Variants in PRDM7 observed in about 807,000 individuals in gnomAD.
The protein encoded by PRDM7 is PR/SET domain 7.
In PRDM7, 52 loss-of-function variants were observed where a neutral mutation model predicts 64.3. The observed-to-expected ratio is 0.81, with a 90% CI of 0.65 to 1.02. The LOEUF (loss-of-function observed/expected upper bound fraction) is 1.02, where lower values mean the gene tolerates loss of function less well. Ranked by LOEUF, PRDM7 falls within the 50% of genes least tolerant of loss-of-function variation. The pLI, the probability that PRDM7 is intolerant of heterozygous loss-of-function variation, is 0.00. For missense variants in PRDM7, 574 were observed against 597.1 expected (o/e 0.96, Z 0.40); for synonymous variants, 192 against 210.1 (o/e 0.91, Z 0.74).
At position 90,061,647 on chromosome 16, in the gene PRDM7, C is replaced by T. The variant is rs531402571; in HGVS notation, c.883-128G>A. 5.8e-6 allele frequency: 7 copies of T among 1,198,866 alleles called. No homozygotes were observed. In the Admixed American group the frequency reaches 1.2e-4, roughly 20 times the overall value. The allele number at this position is 1,198,866 out of a possible 1,614,324, so 74.3% of individuals were successfully genotyped here. Reference sequence around the variant, plus strand: ...CTGCCAACTGAGACCACATGGCATGCACCTTAGTCATCATCTACACATCTG... The same window carrying T: ...CTGCCAACTGAGACCACATGGCATGTACCTTAGTCATCATCTACACATCTG... On this transcript the variant is annotated intron_variant, in intron 8 of 10. Coordinates refer to ENST00000449207, the MANE Select transcript of PRDM7 (RefSeq NM_001098173.2).
chr16:90,072,096 T>C (rs2037967035), intron 4 of PRDM7, among the ~76,000 whole-genome samples: 1 of 152,016 alleles, frequency 6.6e-6, no homozygotes, highest in Non-Finnish European at 1.5e-5. Context: ...CCTGGCGTGG[T>C]GGCAGGCGCT....
In PRDM7 at chr16:90,075,667, C is replaced by CAAAGAGCAA. The variant is rs2038026544; in HGVS notation, c.69+174_69+175insTTGCTCTTT. Among the ~76,000 whole-genome samples, 1 of 152,214 alleles carries CAAAGAGCAA rather than the reference C, an allele frequency of 6.6e-6. No individual in the cohort carries two copies. The highest frequency in any genetic ancestry group is 6.5e-5 in the Admixed American group (1 of 15,284). The stretch of plus-strand genomic sequence containing the variant: ...GAGCATTTTCCTAGCTCTCTGCTGA[C>CAAAGAGCAA]ACAGAGCAGTCGCTGATGCTAGTGT... On this transcript the variant is annotated intron_variant, in intron 2 of 10. Coordinates refer to ENST00000449207, the MANE Select transcript of PRDM7 (RefSeq NM_001098173.2). This position sits in a 1 kb window ranked among gnomAD's most constrained non-coding sequence, Gnocchi z 4.3.
intron 9 of PRDM7, 104 bp from the exon 10 acceptor site, chr16:90,060,727 A>C: frequency 6.5e-7 from 1 of 1,529,014 alleles, no homozygotes; most frequent in Non-Finnish European, 9.0e-7. Context: ...GCTGTGCCTA[A>C]TCAGCCATTT....
At position 90,058,359 on chromosome 16, in the gene PRDM7, T is replaced by C; in HGVS notation, c.1409A>G (p.Asn470Ser). The change falls in exon 11 of 11, where the codon AAT becomes AGT. Residue 470 changes from asparagine (N) to serine (S), a missense_variant. By Grantham distance (46) the Asn-to-Ser change is conservative (BLOSUM62 1). Coordinates refer to ENST00000449207, the MANE Select transcript of PRDM7 (RefSeq NM_001098173.2). ...PAQGIRIRSGNILIHAAVMTK... is the reference protein window; with the variant it reads ...PAQGIRIRSGSILIHAAVMTK... The stretch of plus-strand genomic sequence containing the variant: ...CATTACAGCAGCGTGGATCAGAATA[T>C]TGCCGCTCCTGATTCTGATCCCCTG... 1 of 1,614,200 alleles carries C rather than the reference T, an allele frequency of 6.2e-7. No homozygotes were observed.
intron 4 of PRDM7, among the ~76,000 whole-genome samples, chr16:90,072,416 T>G (rs1037068107): frequency 3.3e-5 from 5 of 152,188 alleles, no homozygotes; most frequent in African/African-American, 1.2e-4. Flanking sequence ...GAAGAAAATC[T>G]TGTCACATGC....
chr16:90,068,699 TTG>T (rs1312603312), intron 4 of PRDM7, among the ~76,000 whole-genome samples: 1 of 148,936 alleles, frequency 6.7e-6, no homozygotes, highest in Non-Finnish European at 1.5e-5. Context: ...CCCAAATCAG[TTG>T]TGTTTCTATT....
At position 90,057,806 on chromosome 16, in the gene PRDM7, G is replaced by A; in HGVS notation, c.*483C>T. The A allele has an allele frequency of 1.4e-6, 2 of 1,398,244 alleles. No homozygotes were observed. The highest frequency in any genetic ancestry group is 1.2e-5 in the South Asian group (1 of 85,796). The allele number at this position is 1,398,244 out of a possible 1,614,324, so 86.6% of individuals were successfully genotyped here. A position where few individuals can be genotyped will look rare whatever the true frequency, so the allele number is the denominator to read the frequency against. ...GTGGTGATCACGTTTGTCTTCTTGTGGCTATTGAGATAAGGTTTTATTACT... is the reference window on the plus strand; with the variant it reads ...GTGGTGATCACGTTTGTCTTCTTGTAGCTATTGAGATAAGGTTTTATTACT... On this transcript the variant is annotated 3_prime_UTR_variant, in exon 11 of 11. Transcript: ENST00000449207.
intron 4 of PRDM7, among the ~76,000 whole-genome samples, chr16:90,068,634 CAA>C (rs778285091): frequency 2.2e-4 from 21 of 93,346 alleles, no homozygotes; most frequent in African/African-American, 5.7e-4. Flanking sequence ...GACTCCGTCT[CAA>C]AAAAAAAAAA....
intron 1 of PRDM7, among the ~76,000 whole-genome samples, chr16:90,076,373 AG>A (rs773152374): frequency 1.3e-5 from 2 of 152,140 alleles, no homozygotes; most frequent in African/African-American, 2.4e-5. Flanking sequence ...ACTGAGGAGC[AG>A]GGTTCTGTTT....
chr16:90,061,644 A>T, intron 8 of PRDM7, 125 bp from the exon 9 acceptor site: 2 of 1,235,570 alleles, frequency 1.6e-6, no homozygotes, highest in Non-Finnish European at 2.3e-6. Context: ...ACCACATGGC[A>T]TGCACCTTAG....
At position 90,075,005 on chromosome 16, in the gene PRDM7, G is replaced by C. The variant is rs1417293512; in HGVS notation, c.212C>G (p.Pro71Arg). 1.2e-6 allele frequency: 2 copies of C among 1,614,184 alleles called. No homozygotes were observed. The highest frequency in any genetic ancestry group is 1.7e-6 in the Non-Finnish European group (2 of 1,180,038). ...CTGCCTTCGGTGACACATGAAAGCT[G>C]GTCGAGTGGCTCTGAGACCTGAAAA... The part of the protein sequence containing the change: ...LITVGLRATR[P>R]AFMCHRRQAI... The change falls in exon 4 of 11, where the codon CCA becomes CGA. Residue 71 changes from proline to arginine, a missense_variant. By Grantham distance (103) the Pro-to-Arg change is moderately radical. Transcript: ENST00000449207. The surrounding 1 kb of genome is among the most constrained non-coding windows in gnomAD (Gnocchi z 4.3).
In PRDM7 at chr16:90,058,226, C is replaced by T; in HGVS notation, c.*63G>A. On this transcript the variant is annotated 3_prime_UTR_variant, in exon 11 of 11. Transcript: ENST00000449207. The stretch of plus-strand genomic sequence containing the variant: ...ATTCTTTCTCCCACTCTAGAGCTCC[C>T]CATTTGTCCTTTGGGTGGGCTAGAA... 6.2e-7 allele frequency: 1 copy of T among 1,614,192 alleles called. No individual in the cohort carries two copies. The highest frequency in any genetic ancestry group is 1.1e-5 in the South Asian group (1 of 91,072).
chr16:90,061,422 C>T lies in PRDM7; in HGVS notation c.950+30G>A, dbSNP rs781248366. 69 of 1,551,522 alleles carry T rather than the reference C, an allele frequency of 4.4e-5. 1 individual carries two copies. In the East Asian group the frequency reaches 1.5e-3, roughly 34 times the overall value. On this transcript the variant is annotated intron_variant, in intron 9 of 10. Transcript: ENST00000449207. ...CGGGTTTGTGAGAGATGGAGGTTCT[C>T]TCTGAAACTAAGAGACCTAGTGGCC... is the stretch of plus-strand genomic sequence containing the variant.
Position 90,058,059 on chromosome 16 carries a change from A to G in PRDM7, c.*230T>C, listed in dbSNP as rs185718159. ...CCCCTGTGTGTGTCCTTTGGTGTGT[A>G]ATAACATCTGACTTATCACTGAAAC... On this transcript the variant is annotated 3_prime_UTR_variant, in exon 11 of 11. Transcript: ENST00000449207. 3.6e-3 allele frequency: 5,807 copies of G among 1,612,816 alleles called. 14 individuals carry two copies. Among genetic ancestry groups the G allele is most frequent in the Non-Finnish European group, 4.5e-3 (5,271 of 1,179,084 alleles).
rs147971971 is a variant in PRDM7, at chr16:90,074,988, G to A, written c.229C>T (p.Arg77Ter). The change falls in exon 4 of 11, where the codon CGA becomes TGA. Residue 77 changes from arginine to a stop codon, truncating the protein, a stop_gained. Coordinates refer to ENST00000449207, the MANE Select transcript of PRDM7 (RefSeq NM_001098173.2). LOFTEE classifies it high-confidence loss of function. ...RATRPAFMCHRRQAIKLQVDD... is the reference protein window; with the variant it reads ...RATRPAFMCH ...ACCTGGAGTTTGATGGCCTGCCTTC[G>A]GTGACACATGAAAGCTGGTCGAGTG... The A allele has an allele frequency of 8.7e-6, 14 of 1,614,076 alleles. No homozygotes were observed. The highest frequency in any genetic ancestry group is 8.3e-5 in the Admixed American group (5 of 60,012).
intron 4 of PRDM7, among the ~76,000 whole-genome samples, chr16:90,071,626 C>T (rs1260574810): frequency 6.6e-6 from 1 of 152,106 alleles, no homozygotes; most frequent in Non-Finnish European, 1.5e-5. Flanking sequence ...CCCACTCCTG[C>T]AATAACTAAC....
chr16:90,067,589 C>CTTT (rs1220091658), intron 4 of PRDM7, among the ~76,000 whole-genome samples: 10 of 126,538 alleles, frequency 7.9e-5, no homozygotes, highest in Non-Finnish European at 1.1e-4. Flanking sequence ...AAGAAAAGCC[C>CTTT]TTTTTTTTTT....
At chr16:90,071,618 C>G (rs377605654) in intron 4 of PRDM7, among the ~76,000 whole-genome samples, 29 of 152,234 alleles carry the variant, frequency 1.9e-4, no homozygotes, top group African/African-American at 6.5e-4. Flanking sequence ...CATCGGAACC[C>G]ACTCCTGCAA....
chr16:90,066,772 C>T, intron 5 of PRDM7, 89 bp downstream of exon 5: 5 of 1,225,596 alleles, frequency 4.1e-6, no homozygotes, highest in South Asian at 2.4e-5. Flanking sequence ...GGCAGTAGTT[C>T]CTAGGATAGT....
Sources: allele counts gnomAD v4.1 joint callset (sites outside exome capture counted in the v4.1 genomes callset), GRCh38; gene constraint gnomAD v4.1.1; non-coding constraint Gnocchi (gnomAD v3.1); transcripts MANE v1.5; gene names NCBI Gene and HGNC (gene_info 2026-07-23, HGNC 2026-07-21).